PELI2: variants seen among roughly 807,000 people sequenced by gnomAD.
PELI2 encodes the protein E3 ubiquitin-protein ligase pellino homolog 2.
Under a neutral mutation model 42.3 loss-of-function variants are expected in PELI2, and 23 were observed. The observed-to-expected ratio is 0.54, with a 90% confidence interval of 0.39 to 0.77. The LOEUF (loss-of-function observed/expected upper bound fraction) is 0.77. Among genes scored for constraint, PELI2 ranks in the 30% least tolerant of loss-of-function variants. The pLI is 0.00. For missense variants in PELI2, 463 were observed against 553.2 expected (o/e 0.84, Z 1.64); for synonymous variants, 245 against 212.2 (o/e 1.15, Z -1.34).
At chr14:56,265,172 A>T (rs1258589753) in intron 2 of PELI2, among the ~76,000 whole-genome samples, 1 of 152,134 alleles carries the variant, frequency 6.6e-6, no homozygotes. Flanking sequence ...AAAAACCTAA[A>T]ATTGCCAAAA....
intron 1 of PELI2, among the ~76,000 whole-genome samples, chr14:56,132,842 G>C (rs984311408): frequency 6.6e-6 from 1 of 152,162 alleles, no homozygotes; most frequent in African/African-American, 2.4e-5. Context: ...GGTTAAGCCA[G>C]TTTTAAGTTA....
At chr14:56,128,003 T>G (rs140096477) in intron 1 of PELI2, among the ~76,000 whole-genome samples, 2 of 152,310 alleles carry the variant, frequency 1.3e-5, no homozygotes, top group East Asian at 1.9e-4. Context: ...ATTGCATGTG[T>G]GTTCTGCATG....
intron 2 of PELI2, among the ~76,000 whole-genome samples, chr14:56,257,527 G>A (rs2139828047): frequency 6.9e-6 from 1 of 145,570 alleles, no homozygotes; most frequent in South Asian, 2.3e-4. Flanking sequence ...ATATATATAT[G>A]TATCTATGTA....
At chr14:56,283,588 C>T (rs1270641785) in intron 3 of PELI2, among the ~76,000 whole-genome samples, 1 of 152,192 alleles carries the variant, frequency 6.6e-6, no homozygotes, top group African/African-American at 2.4e-5. Flanking sequence ...GCTGAGAATA[C>T]TGATTTGTAC....
intron 2 of PELI2, among the ~76,000 whole-genome samples, chr14:56,221,363 G>A (rs1349724163): frequency 6.6e-6 from 1 of 152,196 alleles, no homozygotes; most frequent in Non-Finnish European, 1.5e-5. Flanking sequence ...TTGGCAGCAG[G>A]TTCCAAGGAT....
intron 2 of PELI2, among the ~76,000 whole-genome samples, chr14:56,231,687 C>A (rs1243238527): frequency 6.6e-6 from 1 of 152,118 alleles, no homozygotes; most frequent in Non-Finnish European, 1.5e-5. Context: ...CCTAACATCA[C>A]AATTAGAAGA....
intron 1 of PELI2, among the ~76,000 whole-genome samples, chr14:56,169,316 T>G (rs1282426671): frequency 6.6e-6 from 1 of 152,204 alleles, no homozygotes; most frequent in Non-Finnish European, 1.5e-5. Flanking sequence ...CAAGTTTACA[T>G]GGAGACACAG....
Position 56,297,776 on chromosome 14 carries a change from T to G in PELI2, c.*610T>G, listed in dbSNP as rs1890059860. 1 of 152,064 alleles carries G rather than the reference T, an allele frequency of 6.6e-6. No individual in the cohort carries two copies. The highest frequency in any genetic ancestry group is 2.4e-5 in the African/African-American group (1 of 41,412). 9.4% of individuals were successfully genotyped at this position (152,064 alleles called of 1,614,324 possible). A position where few individuals can be genotyped will look rare whatever the true frequency, so the allele number is the denominator to read the frequency against. ...ATATTCATAACTTGTGGGCTTTTTT[T>G]TTTTTTAACTTCAGTGGAATTTACT... is the stretch of plus-strand genomic sequence containing the variant. On this transcript the variant is annotated 3_prime_UTR_variant, in exon 6 of 6. Transcript: ENST00000267460.
chr14:56,254,137 A>C (rs1190197199), intron 2 of PELI2, among the ~76,000 whole-genome samples: 2 of 152,228 alleles, frequency 1.3e-5, no homozygotes, highest in Non-Finnish European at 2.9e-5. Context: ...GTGGTGGCTC[A>C]CGCCTGTAAT....
intron 2 of PELI2, among the ~76,000 whole-genome samples, chr14:56,278,696 T>G (rs1227790825): frequency 1.3e-5 from 2 of 152,226 alleles, no homozygotes; most frequent in African/African-American, 2.4e-5. Flanking sequence ...ATTAGTCAAA[T>G]ATAAATGTTT....
intron 2 of PELI2, among the ~76,000 whole-genome samples, chr14:56,275,655 T>TACA (rs894714582): frequency 3.9e-5 from 6 of 152,154 alleles, no homozygotes; most frequent in African/African-American, 1.4e-4. Context: ...GTGGCAATGA[T>TACA]AGCAATGGGG....
At chr14:56,254,364 C>T (rs1447432204) in intron 2 of PELI2, among the ~76,000 whole-genome samples, 18 of 149,772 alleles carry the variant, frequency 1.2e-4, no homozygotes, top group Non-Finnish European at 1.5e-5. Flanking sequence ...CGCCACTGCA[C>T]TCCAGCCTGG....
chr14:56,188,412 T>TG (rs5808848), intron 2 of PELI2, among the ~76,000 whole-genome samples: 64,003 of 152,034 alleles, frequency 0.42, 13,877 homozygotes, highest in South Asian at 0.54. Flanking sequence ...TCTGGAATCT[T>TG]GGATTATACT....
chr14:56,158,566 G>C (rs1249169334), intron 1 of PELI2, among the ~76,000 whole-genome samples: 1 of 151,602 alleles, frequency 6.6e-6, no homozygotes, highest in African/African-American at 2.4e-5. Flanking sequence ...TGTTGCCTAG[G>C]CTGGTCTTGA....
chr14:56,140,390 T>C (rs1738488814), intron 1 of PELI2, among the ~76,000 whole-genome samples: 1 of 152,260 alleles, frequency 6.6e-6, no homozygotes, highest in Admixed American at 6.5e-5. Context: ...ATTAATCTAA[T>C]TTCTTCAAAA....
At chr14:56,119,150 C>T (rs1480156948) in intron 1 of PELI2, 3 of 151,966 alleles carry the variant, frequency 2.0e-5, no homozygotes, top group Non-Finnish European at 4.4e-5. Context: ...GGGGTCGCTT[C>T]CCGAAGCTGA....
At chr14:56,202,452 G>C (rs1240038604) in intron 2 of PELI2, among the ~76,000 whole-genome samples, 1 of 151,990 alleles carries the variant, frequency 6.6e-6, no homozygotes, top group African/African-American at 2.4e-5. Context: ...TGTCAGTTCT[G>C]TTCTCAGTGG....
chr14:56,229,046 G>A (rs929274374), intron 2 of PELI2, among the ~76,000 whole-genome samples: 3 of 152,218 alleles, frequency 2.0e-5, no homozygotes, highest in Admixed American at 6.5e-5. Flanking sequence ...AGCAAGGCTC[G>A]GGGAGGGGCG....
chr14:56,227,936 CA>C, intron 2 of PELI2, among the ~76,000 whole-genome samples: 1 of 152,050 alleles, frequency 6.6e-6, no homozygotes, highest in East Asian at 1.9e-4. Flanking sequence ...AGTTACCCAC[CA>C]AAAAAATGCA....
Sources: allele counts gnomAD v4.1 joint callset (sites outside exome capture counted in the v4.1 genomes callset), GRCh38; gene constraint gnomAD v4.1.1; transcripts MANE v1.5; gene names NCBI Gene and HGNC (gene_info 2026-07-23, HGNC 2026-07-21).